The following DMRT1 variants were observed in gnomAD, a reference collection of about 807,000 sequenced individuals.
The protein encoded by DMRT1 is doublesex and mab-3 related transcription factor 1, also known as doublesex- and mab-3-related transcription factor 1.
DMRT1 carries 7 observed loss-of-function variants against 32.3 expected under a neutral mutation model. The ratio of observed to expected loss-of-function variants is 0.22; its 90% CI spans 0.12 to 0.41. The LOEUF (loss-of-function observed/expected upper bound fraction) is 0.41, where lower values mean the gene tolerates loss of function less well. Ranked by LOEUF, DMRT1 falls within the 10% of genes least tolerant of loss-of-function variation. DMRT1 has a pLI of 1.00. For missense variants in DMRT1, 625 were observed against 500.5 expected, an observed-to-expected ratio of 1.25 and a Z score of -2.37; for synonymous variants, 278 against 206.1, an observed-to-expected ratio of 1.35 and a Z score of -2.99.
chr9:883,101 C>T (rs1287025896), intron 2 of DMRT1, among the ~76,000 whole-genome samples: 1 of 151,816 alleles, frequency 6.6e-6, no homozygotes, highest in Non-Finnish European at 1.5e-5. Context: ...TTCACTCTTT[C>T]CAGATTCCAT....
At chr9:899,726 TTAAA>T (rs1817499336) in intron 3 of DMRT1, among the ~76,000 whole-genome samples, 1 of 152,238 alleles carries the variant, frequency 6.6e-6, no homozygotes, top group South Asian at 2.1e-4. Flanking sequence ...ACATTATCTC[TTAAA>T]TAAACATGTT....
chr9:935,147 G>C (rs562728443), intron 4 of DMRT1, among the ~76,000 whole-genome samples: 1 of 152,310 alleles, frequency 6.6e-6, no homozygotes, highest in South Asian at 2.1e-4. Context: ...CTAATTGAAA[G>C]TGACTAATGG....
At chr9:852,160 C>T (rs1476636025) in intron 2 of DMRT1, among the ~76,000 whole-genome samples, 3 of 151,946 alleles carry the variant, frequency 2.0e-5, no homozygotes, top group Admixed American at 2.0e-4. Context: ...TGGTCTTGAA[C>T]TCTTGACCTC....
rs1187507701 is a variant in DMRT1, at chr9:898,130, C to CT, written c.822+3942dup. ...TTTTTCTTTTGTTATTGTTGTTTTT[C>CT]TTTTTTTGAGACAGGGCCTCACTCT... On this transcript the variant is annotated intron_variant, in intron 3 of 4. Coordinates refer to ENST00000382276, the MANE Select transcript of DMRT1 (RefSeq NM_021951.3). Among the ~76,000 whole-genome samples the CT allele has an allele frequency of 2.1e-5, 3 of 141,302 alleles. No homozygotes were observed. In the East Asian group the frequency reaches 7.5e-4, roughly 35 times the overall value. 92.7% of individuals were successfully genotyped at this position (141,302 alleles called of 152,430 possible). A position where few individuals can be genotyped will look rare whatever the true frequency, so the allele number is the denominator to read the frequency against.
At chr9:958,055 T>C (rs1354784151) in intron 4 of DMRT1, among the ~76,000 whole-genome samples, 1 of 152,158 alleles carries the variant, frequency 6.6e-6, no homozygotes, top group African/African-American at 2.4e-5. Flanking sequence ...TTATGAATCT[T>C]AAATTTTCAT....
chr9:865,580 C>T (rs780459088), intron 2 of DMRT1, among the ~76,000 whole-genome samples: 2 of 151,930 alleles, frequency 1.3e-5, no homozygotes, highest in Non-Finnish European at 2.9e-5. Flanking sequence ...TGAATGAGCC[C>T]GGATATGATT....
intron 2 of DMRT1, among the ~76,000 whole-genome samples, chr9:866,808 A>C (rs1488882162): frequency 2.6e-5 from 4 of 152,074 alleles, no homozygotes; most frequent in Non-Finnish European, 5.9e-5. Flanking sequence ...GGTGGTGTTC[A>C]TTTTCCTTAT....
chr9:941,275 G>A (rs1307780063), intron 4 of DMRT1, among the ~76,000 whole-genome samples: 1 of 151,974 alleles, frequency 6.6e-6, no homozygotes, highest in East Asian at 1.9e-4. Flanking sequence ...CATCAACAGA[G>A]GGTGGACAAA....
intron 4 of DMRT1, among the ~76,000 whole-genome samples, chr9:947,031 T>C (rs1819268282): frequency 6.6e-6 from 1 of 152,202 alleles, no homozygotes; most frequent in Non-Finnish European, 1.5e-5. Flanking sequence ...TGGCAGTTTA[T>C]TATGAGGCAG....
chr9:967,880 TTTCTTTG>T, intron 4 of DMRT1, 98 bp from the exon 5 acceptor site: 3 of 1,111,816 alleles, frequency 2.7e-6, no homozygotes, highest in South Asian at 2.7e-5. Context: ...AGAGCGTCAC[TTTCTTTG>T]TTGTAACCTA....
chr9:953,759 G>C (rs1234980494), intron 4 of DMRT1, among the ~76,000 whole-genome samples: 2 of 152,176 alleles, frequency 1.3e-5, no homozygotes, highest in African/African-American at 4.8e-5. Flanking sequence ...ATCACGATTG[G>C]TCTAGGAAAC....
At position 965,832 on chromosome 9, in the gene DMRT1, T is replaced by C. The variant is rs1020641892; in HGVS notation, c.968-2153T>C. On this transcript the variant is annotated intron_variant, in intron 4 of 4. Transcript: ENST00000382276. This position sits in a 1 kb window ranked among gnomAD's most constrained non-coding sequence, Gnocchi z 4.5. ...AGCACGCCAGAGTCAGCCTAATCAGTACAGTGCTGCCCTTGACAGCTTGCA... is the reference window on the plus strand; with the variant it reads ...AGCACGCCAGAGTCAGCCTAATCAGCACAGTGCTGCCCTTGACAGCTTGCA... 5.3e-5 allele frequency among the ~76,000 whole-genome samples: 8 copies of C among 152,208 alleles called. No individual in the cohort carries two copies. Among genetic ancestry groups the C allele is most frequent in the Non-Finnish European group, 1.0e-4 (7 of 68,038 alleles).
At chr9:848,112 G>A (rs75713105) in intron 2 of DMRT1, among the ~76,000 whole-genome samples, 3,154 of 152,278 alleles carry the variant, frequency 0.021, 62 homozygotes, top group Middle Eastern at 0.034. Context: ...AGTGTTCTAA[G>A]CTCCATGAAA....
At position 888,213 on chromosome 9, in the gene DMRT1, T is replaced by G. The variant is rs376005321; in HGVS notation, c.539-5699T>G. ...GTAAGCCATGAAACTCACAACCATT[T>G]GGCAGCGATACACACACAGTACATA... On this transcript the variant is annotated intron_variant, in intron 2 of 4. Coordinates refer to ENST00000382276, the MANE Select transcript of DMRT1 (RefSeq NM_021951.3). Among the ~76,000 whole-genome samples the G allele has an allele frequency of 5.5e-4, 84 of 152,326 alleles. 6 individuals are homozygous for G. The South Asian group carries it at 0.017, about 30-fold the overall frequency.
intron 2 of DMRT1, among the ~76,000 whole-genome samples, chr9:865,475 T>A (rs900154286): frequency 6.6e-6 from 1 of 152,114 alleles, no homozygotes; most frequent in Non-Finnish European, 1.5e-5. Context: ...ATATATGAAA[T>A]ATAAGGTATT....
intron 4 of DMRT1, among the ~76,000 whole-genome samples, chr9:948,315 A>G (rs976740975): frequency 1.3e-5 from 2 of 152,206 alleles, no homozygotes; most frequent in Non-Finnish European, 2.9e-5. Context: ...AGGGAAAAGC[A>G]AAGTTTTTAT....
intron 2 of DMRT1, among the ~76,000 whole-genome samples, chr9:864,193 TC>T (rs1815855998): frequency 4.7e-5 from 3 of 64,322 alleles, no homozygotes; most frequent in Non-Finnish European, 1.5e-4. Flanking sequence ...TCTTTTAACT[TC>T]TTCTTCTTCT....
intron 4 of DMRT1, among the ~76,000 whole-genome samples, chr9:930,463 G>C (rs1293215170): frequency 6.6e-6 from 1 of 151,870 alleles, no homozygotes; most frequent in Non-Finnish European, 1.5e-5. Flanking sequence ...CCAGGCTGGA[G>C]TGCAGTGGTG....
chr9:961,900 T>C (rs1819785587), intron 4 of DMRT1, among the ~76,000 whole-genome samples: 2 of 152,186 alleles, frequency 1.3e-5, no homozygotes, highest in South Asian at 4.1e-4. Flanking sequence ...TACCCCCTTT[T>C]CACAGATGGA....
Sources: gnomAD v4.1 joint callset for allele counts (sites outside exome capture counted in the v4.1 genomes callset) on GRCh38, gnomAD v4.1.1 for gene constraint, Gnocchi (gnomAD v3.1) non-coding constraint, MANE v1.5 for transcripts, NCBI Gene and HGNC (gene_info 2026-07-23, HGNC 2026-07-21) for gene names.